The following PLAAT3 variants were observed in gnomAD, a reference collection of about 807,000 sequenced individuals.
PLAAT3 encodes the protein phospholipase A and acyltransferase 3.
In PLAAT3, 21 loss-of-function variants were observed where a neutral mutation model predicts 16.7. The ratio of observed to expected loss-of-function variants is 1.26; its 90% CI spans 0.89 to 1.81. The LOEUF (loss-of-function observed/expected upper bound fraction) is 1.81. Ranked by LOEUF, PLAAT3 falls within the 40% of genes most tolerant of loss-of-function variation. The pLI, the probability that PLAAT3 is intolerant of heterozygous loss-of-function variation, is 0.00. For synonymous variants in PLAAT3, 76 were observed against 81.7 expected (o/e 0.93, Z 0.38); for missense variants, 219 against 213.7 (o/e 1.02, Z -0.16).
chr11:63,599,859 G>A (rs771210785), intron 2 of PLAAT3, among the ~76,000 whole-genome samples: 12 of 152,210 alleles, frequency 7.9e-5, no homozygotes, highest in Non-Finnish European at 1.8e-4. Flanking sequence ...AGGTTGGAAA[G>A]AGATGGTGTG....
chr11:63,601,395 A>ATT (rs397937285), intron 2 of PLAAT3, among the ~76,000 whole-genome samples: 3,559 of 144,636 alleles, frequency 0.025, 69 homozygotes, highest in Non-Finnish European at 0.036. Context: ...AAAAGCTGTA[A>ATT]TTTTTTTTTT....
intron 2 of PLAAT3, among the ~76,000 whole-genome samples, chr11:63,602,808 G>A (rs1246959851): frequency 1.1e-4 from 17 of 152,104 alleles, no homozygotes; most frequent in Admixed American, 1.0e-3. Context: ...TGCTTACTAT[G>A]ATGGCCAGGC....
intron 2 of PLAAT3, among the ~76,000 whole-genome samples, chr11:63,603,473 T>C (rs1019017559): frequency 1.3e-5 from 2 of 151,968 alleles, no homozygotes; most frequent in Non-Finnish European, 2.9e-5. Context: ...GAGGAGCAAT[T>C]TCTGGTCTCT....
At chr11:63,588,955 A>C (rs1938056897) in intron 4 of PLAAT3, among the ~76,000 whole-genome samples, 2 of 144,396 alleles carry the variant, frequency 1.4e-5, no homozygotes, top group South Asian at 4.5e-4. Context: ...AGGCCAGGGG[A>C]CCAGGCAATG....
At chr11:63,598,768 C>T (rs904170778) in intron 2 of PLAAT3, 28 of 512,300 alleles carry the variant, frequency 5.5e-5, no homozygotes, top group Middle Eastern at 3.6e-4. Context: ...CAACACCTGG[C>T]CTGGGCCTAA....
At chr11:63,610,695 G>A (rs59269807) in intron 2 of PLAAT3, among the ~76,000 whole-genome samples, 458 of 152,228 alleles carry the variant, frequency 3.0e-3, no homozygotes, top group African/African-American at 0.011. Flanking sequence ...AGTCAATGAC[G>A]GAGTCTAGAC....
Position 63,574,746 on chromosome 11 carries a change from C to A in PLAAT3, c.*199G>T. ...TGACCAGGAAGACAGCCCGGCTGTT[C>A]CCTGAACAGACTTCACACCAGGCAG... On this transcript the variant is annotated 3_prime_UTR_variant, in exon 5 of 5. Transcript: ENST00000415826. The A allele has an allele frequency of 1.7e-6, 1 of 579,324 alleles. No homozygotes were observed. The highest frequency in any genetic ancestry group is 3.1e-6 in the Non-Finnish European group (1 of 323,954). 35.9% of individuals were successfully genotyped at this position (579,324 alleles called of 1,614,324 possible).
chr11:63,581,342 G>T (rs1341532092), intron 4 of PLAAT3, among the ~76,000 whole-genome samples: 1 of 152,164 alleles, frequency 6.6e-6, no homozygotes, highest in Non-Finnish European at 1.5e-5. Flanking sequence ...TCTTTTCCGA[G>T]CAAGGAACAA....
In PLAAT3 at chr11:63,575,146, C is replaced by T. The variant is rs766812919; in HGVS notation, c.388-100G>A. 345 of 752,330 alleles carry T rather than the reference C, an allele frequency of 4.6e-4. 1 individual carries two copies. The highest frequency in any genetic ancestry group is 6.7e-4 in the Non-Finnish European group (299 of 445,242). 46.6% of individuals were successfully genotyped at this position (752,330 alleles called of 1,614,324 possible). A position where few individuals can be genotyped will look rare whatever the true frequency, so the allele number is the denominator to read the frequency against. On this transcript the variant is annotated intron_variant, in intron 4 of 4. Transcript: ENST00000415826. Reference sequence around the variant, plus strand: ...TCAGCTCGGGATACCTCACATGCCCCTTGGCCTCCCTGGCCAAACTAAGGA... The same window carrying T: ...TCAGCTCGGGATACCTCACATGCCCTTTGGCCTCCCTGGCCAAACTAAGGA...
chr11:63,594,102 T>G (rs1476705804), intron 3 of PLAAT3, among the ~76,000 whole-genome samples: 1 of 152,002 alleles, frequency 6.6e-6, no homozygotes, highest in Non-Finnish European at 1.5e-5. Flanking sequence ...TAGACATGGG[T>G]TGGAAGGAAC....
chr11:63,616,694 C>T (rs151078422), upstream of PLAAT3: 7 of 152,092 alleles, frequency 4.6e-5, no homozygotes, highest in South Asian at 1.0e-3. Flanking sequence ...AGTAGAGAGA[C>T]CAGTATAGGC....
upstream of PLAAT3, chr11:63,616,626 A>C (rs1420147970): frequency 6.6e-6 from 1 of 152,088 alleles, no homozygotes; most frequent in African/African-American, 2.4e-5. Flanking sequence ...ACTGACACCA[A>C]CTACTTCTTT....
intron 4 of PLAAT3, among the ~76,000 whole-genome samples, chr11:63,584,686 AT>A (rs1937919132): frequency 6.6e-6 from 1 of 151,488 alleles, no homozygotes. Context: ...TTTGTTTTGT[AT>A]TTATAGTAGA....
Position 63,591,894 on chromosome 11 carries a change from C to A in PLAAT3, c.119-1526G>T, listed in dbSNP as rs947131760. 2.0e-5 allele frequency among the ~76,000 whole-genome samples: 3 copies of A among 152,254 alleles called. No individual in the cohort carries two copies. In the East Asian group the frequency reaches 5.8e-4, roughly 29 times the overall value. On this transcript the variant is annotated intron_variant, in intron 3 of 4. Transcript: ENST00000415826. Reference sequence around the variant, plus strand: ...AAGAGGCAAGCAAGTTGCCTAGAGCCCAAAGTTTAAGGAGGCACCAAATCT... The same window carrying A: ...AAGAGGCAAGCAAGTTGCCTAGAGCACAAAGTTTAAGGAGGCACCAAATCT...
intron 3 of PLAAT3, among the ~76,000 whole-genome samples, chr11:63,590,738 C>T (rs534239162): frequency 5.3e-4 from 80 of 152,356 alleles, no homozygotes; most frequent in African/African-American, 1.7e-3. Flanking sequence ...ATCAGGGCTA[C>T]ACCTACTTGA....
At chr11:63,588,820 G>C (rs913228038) in intron 4 of PLAAT3, among the ~76,000 whole-genome samples, 1 of 151,998 alleles carries the variant, frequency 6.6e-6, no homozygotes. Context: ...TATAGGAACC[G>C]CCTAACAAAC....
intron 3 of PLAAT3, among the ~76,000 whole-genome samples, chr11:63,596,984 T>C (rs1938303791): frequency 6.6e-6 from 1 of 151,056 alleles, no homozygotes; most frequent in Non-Finnish European, 1.5e-5. Flanking sequence ...TAATCCCAGC[T>C]ACTCGGGAGG....
chr11:63,616,403 CTG>C (rs1236703417), upstream of PLAAT3: 2 of 152,092 alleles, frequency 1.3e-5, no homozygotes, highest in East Asian at 1.9e-4. Context: ...AGGAAAATAA[CTG>C]TTATCTGGTA....
At chr11:63,597,120 C>T (rs1231420383) in intron 3 of PLAAT3, among the ~76,000 whole-genome samples, 1 of 151,948 alleles carries the variant, frequency 6.6e-6, no homozygotes, top group Non-Finnish European at 1.5e-5. Flanking sequence ...TGTGGCACTC[C>T]CCCGCCTCCT....
Sources: allele counts gnomAD v4.1 joint callset (sites outside exome capture counted in the v4.1 genomes callset), GRCh38; gene constraint gnomAD v4.1.1; transcripts MANE v1.5; gene names NCBI Gene and HGNC (gene_info 2026-07-23, HGNC 2026-07-21).